WDR20: variants seen among roughly 807,000 people sequenced by gnomAD.
The protein encoded by WDR20 is WD repeat-containing protein 20.
In WDR20, 3 loss-of-function variants were observed where a neutral mutation model predicts 38.7. The observed-to-expected ratio is 0.08, with a 90% CI of 0.04 to 0.20. The LOEUF (loss-of-function observed/expected upper bound fraction) is 0.20. Among genes scored for constraint, WDR20 ranks in the 10% least tolerant of loss-of-function variants. WDR20 has a pLI of 1.00. For missense variants in WDR20, 559 were observed against 727.7 expected (o/e 0.77, Z 2.67); for synonymous variants, 298 against 285.6 (o/e 1.04, Z -0.44).
At position 102,222,009 on chromosome 14, in the gene WDR20, CTT is replaced by C. The variant is rs2063946983; in HGVS notation, c.1693-819_1693-818del. On this transcript the variant is annotated intron_variant, in intron 3 of 3. Transcript: ENST00000335263. The surrounding 1 kb of genome is among the most constrained non-coding windows in gnomAD (Gnocchi z 4.4). ...GTAAATGCAAAGAAATGGAAGTACT[CTT>C]TGCTGTGTAGGAGGTTAAACCCTCT... Among the ~76,000 whole-genome samples, 1 of 152,192 alleles carries C rather than the reference CTT, an allele frequency of 6.6e-6. No homozygotes were observed. The highest frequency in any genetic ancestry group is 2.1e-4 in the South Asian group (1 of 4,830).
Position 102,147,092 on chromosome 14 carries a change from A to C in WDR20, c.249+6920A>C, listed in dbSNP as rs147512828. On this transcript the variant is annotated intron_variant, in intron 1 of 2. Transcript: ENST00000342702. Reference sequence around the variant, plus strand: ...TATACCTGGGTTCTCTTGGCTTTGAAGAGGAGGGTGGTCATGAGATATTGA... The same window carrying C: ...TATACCTGGGTTCTCTTGGCTTTGACGAGGAGGGTGGTCATGAGATATTGA... 1.6e-3 allele frequency among the ~76,000 whole-genome samples: 237 copies of C among 152,296 alleles called. 5 individuals carry two copies. The East Asian group carries it at 0.033, about 21-fold the overall frequency.
intron 2 of WDR20, chr14:102,198,097 C>CTTTA (rs67384915): frequency 0.034 from 5,920 of 176,468 alleles, 152 homozygotes; most frequent in East Asian, 0.079. Flanking sequence ...CAGAGGTCTA[C>CTTTA]TTTATTTATT....
chr14:102,160,154 CTGTTT>C (rs34136466), intron 1 of WDR20, among the ~76,000 whole-genome samples: 22,402 of 152,018 alleles, frequency 0.15, 2,486 homozygotes, highest in African/African-American at 0.31. Flanking sequence ...TTCTTGCTAT[CTGTTT>C]TAAGTGTACA....
chr14:102,224,363 G>T, downstream of WDR20: 3 of 349,674 alleles, frequency 8.6e-6, no homozygotes, highest in South Asian at 6.8e-5. Flanking sequence ...TTCTTACTTG[G>T]TTGAAACCAG....
At chr14:102,188,142 C>T (rs1348738654) in intron 1 of WDR20, among the ~76,000 whole-genome samples, 3 of 152,204 alleles carry the variant, frequency 2.0e-5, no homozygotes, top group Non-Finnish European at 4.4e-5. Context: ...TAATTTGACA[C>T]ACATTTTTCA....
intron 1 of WDR20, among the ~76,000 whole-genome samples, chr14:102,141,236 C>G (rs1234513953): frequency 2.0e-5 from 3 of 152,030 alleles, no homozygotes; most frequent in Non-Finnish European, 2.9e-5. Flanking sequence ...AAGATTAAGT[C>G]GTAAATGCAT....
chr14:102,212,492 CT>C (rs1377284885), downstream of WDR20: 5 of 1,535,630 alleles, frequency 3.3e-6, no homozygotes, highest in East Asian at 9.8e-5. Context: ...CACTCTGCCC[CT>C]CTGACTGCTG....
At chr14:102,214,990 G>A, downstream of WDR20, 2 of 984,592 alleles carry the variant, frequency 2.0e-6, no homozygotes, top group Non-Finnish European at 2.4e-6. Flanking sequence ...ATAAACGTGT[G>A]TGAGTGAACT....
chr14:102,215,288 G>A (rs1567093642), downstream of WDR20, among the ~76,000 whole-genome samples: 1 of 152,200 alleles, frequency 6.6e-6, no homozygotes, highest in Non-Finnish European at 1.5e-5. Flanking sequence ...GCTGAGCTGT[G>A]TAGAGGCTTC....
chr14:102,158,081 G>C (rs141755598), intron 1 of WDR20, among the ~76,000 whole-genome samples: 3 of 152,148 alleles, frequency 2.0e-5, no homozygotes, highest in African/African-American at 7.2e-5. Context: ...TTCCAGTGCA[G>C]TGAGCAATCA....
intron 2 of WDR20, among the ~76,000 whole-genome samples, chr14:102,197,429 C>T (rs2059597175): frequency 6.6e-6 from 1 of 152,148 alleles, no homozygotes. Context: ...GTTAAGTTCA[C>T]TGGGGGAGTT....
At chr14:102,172,567 G>T (rs1364152306) in intron 1 of WDR20, among the ~76,000 whole-genome samples, 8 of 142,740 alleles carry the variant, frequency 5.6e-5, no homozygotes, top group Non-Finnish European at 9.4e-5. Context: ...CGGACGGGGC[G>T]GCTGGCCGGG....
At chr14:102,199,536 G>T (rs1456478537) in intron 2 of WDR20, among the ~76,000 whole-genome samples, 1 of 152,116 alleles carries the variant, frequency 6.6e-6, no homozygotes, top group Non-Finnish European at 1.5e-5. Flanking sequence ...GGGTTGGCCC[G>T]CTGGTCACAA....
At chr14:102,163,403 G>A (rs574872553) in intron 1 of WDR20, among the ~76,000 whole-genome samples, 8 of 152,074 alleles carry the variant, frequency 5.3e-5, no homozygotes, top group East Asian at 1.9e-4. Flanking sequence ...CGAGGCGGGC[G>A]GATCACCTGA....
At chr14:102,184,204 A>G (rs569250299) in intron 1 of WDR20, among the ~76,000 whole-genome samples, 12 of 152,222 alleles carry the variant, frequency 7.9e-5, no homozygotes, top group Non-Finnish European at 1.8e-4. Flanking sequence ...TCTTTAATGA[A>G]GAAATCAGTA....
At chr14:102,183,408 C>CA (rs1401377262) in intron 1 of WDR20, among the ~76,000 whole-genome samples, 1 of 152,230 alleles carries the variant, frequency 6.6e-6, no homozygotes, top group Non-Finnish European at 1.5e-5. Flanking sequence ...AATGTTCTCT[C>CA]ACTCTAGCTC....
intron 2 of WDR20, among the ~76,000 whole-genome samples, chr14:102,202,186 C>T (rs1242423772): frequency 6.6e-6 from 1 of 151,812 alleles, no homozygotes; most frequent in East Asian, 1.9e-4. Context: ...TAAGGACCAC[C>T]CCCTCCCTGT....
downstream of WDR20, among the ~76,000 whole-genome samples, chr14:102,218,935 CGGCCG>C (rs2063557769): frequency 6.6e-6 from 1 of 152,244 alleles, no homozygotes; most frequent in African/African-American, 2.4e-5. Flanking sequence ...GGTCCTCCGT[CGGCCG>C]GGCCGGGCCT....
In WDR20 at chr14:102,222,349, C is replaced by T. The variant is rs2063992995; in HGVS notation, c.1693-481C>T. ...TCACACCACCCAACAAAGCAAGAAC[C>T]CCCCAGCAGAGAATGCCCTTTCAAA... On this transcript the variant is annotated intron_variant, in intron 3 of 3. Coordinates refer to the WDR20 transcript ENST00000335263. The surrounding 1 kb of genome is among the most constrained non-coding windows in gnomAD (Gnocchi z 4.4). Among the ~76,000 whole-genome samples, 1 of 152,244 alleles carries T rather than the reference C, an allele frequency of 6.6e-6. No homozygotes were observed. The highest frequency in any genetic ancestry group is 2.4e-5 in the African/African-American group (1 of 41,458).
Sources: gnomAD v4.1 joint callset for allele counts (sites outside exome capture counted in the v4.1 genomes callset) on GRCh38, gnomAD v4.1.1 for gene constraint, Gnocchi (gnomAD v3.1) non-coding constraint, MANE v1.5 for transcripts, NCBI Gene and HGNC (gene_info 2026-07-23, HGNC 2026-07-21) for gene names.